The following LAMA2 variants were observed in gnomAD, a reference collection of about 807,000 sequenced individuals.
LAMA2 encodes the protein laminin subunit alpha 2.
LAMA2 carries 269 observed loss-of-function variants against 364.8 expected under a neutral mutation model. The observed-to-expected ratio is 0.74, with a 90% CI of 0.67 to 0.82. The LOEUF (loss-of-function observed/expected upper bound fraction) is 0.82. LAMA2 is among the 40% of genes least tolerant of loss of function. LAMA2 has a pLI of 0.00. For missense variants in LAMA2, 3,807 were observed against 3,873.2 expected, an observed-to-expected ratio of 0.98 and a Z score of 0.45; for synonymous variants, 1,379 against 1,370.6, an observed-to-expected ratio of 1.01 and a Z score of -0.14.
chr6:129,143,028 T>C (rs1778222235), intron 4 of LAMA2, among the ~76,000 whole-genome samples: 1 of 152,006 alleles, frequency 6.6e-6, no homozygotes, highest in South Asian at 2.1e-4. Context: ...AACAGTACCT[T>C]TTATTTTGTC....
chr6:129,236,753 GTATA>G (rs142812017), intron 12 of LAMA2, among the ~76,000 whole-genome samples: 1 of 151,704 alleles, frequency 6.6e-6, no homozygotes, highest in Non-Finnish European at 1.5e-5. Flanking sequence ...ACACATATAA[GTATA>G]TATATATTTA....
At chr6:129,247,302 T>G (rs1010786587) in intron 12 of LAMA2, among the ~76,000 whole-genome samples, 1 of 151,930 alleles carries the variant, frequency 6.6e-6, no homozygotes, top group African/African-American at 2.4e-5. Flanking sequence ...ATACAAAAAA[T>G]TATGCAGTCA....
intron 1 of LAMA2, among the ~76,000 whole-genome samples, chr6:129,048,005 G>T (rs1449706778): frequency 6.6e-6 from 1 of 152,066 alleles, no homozygotes; most frequent in Non-Finnish European, 1.5e-5. Flanking sequence ...TCTGCTACTT[G>T]CTAGCTGTAA....
chr6:129,205,976 T>C (rs1382622706), intron 12 of LAMA2, among the ~76,000 whole-genome samples: 1 of 150,452 alleles, frequency 6.6e-6, no homozygotes, highest in Admixed American at 6.6e-5. Context: ...TGAGCTGAAA[T>C]TGTGCCACTG....
chr6:128,900,762 A>G (rs762152082), intron 1 of LAMA2, among the ~76,000 whole-genome samples: 2 of 152,218 alleles, frequency 1.3e-5, no homozygotes, highest in Non-Finnish European at 2.9e-5. Context: ...TCACTTGGAT[A>G]AGATTGCCTC....
At chr6:129,067,860 A>G (rs1053714884) in intron 3 of LAMA2, among the ~76,000 whole-genome samples, 1 of 152,118 alleles carries the variant, frequency 6.6e-6, no homozygotes, top group Non-Finnish European at 1.5e-5. Flanking sequence ...TTTTTATTCA[A>G]GTGTTACCTT....
chr6:129,203,929 G>T (rs751047214), intron 12 of LAMA2, among the ~76,000 whole-genome samples: 5 of 152,198 alleles, frequency 3.3e-5, no homozygotes, highest in Non-Finnish European at 7.3e-5. Context: ...CACAGAAGCT[G>T]TCCGATAAAT....
At chr6:129,079,270 ATTAG>A (rs1370359697) in intron 3 of LAMA2, among the ~76,000 whole-genome samples, 3 of 152,082 alleles carry the variant, frequency 2.0e-5, no homozygotes, top group African/African-American at 4.8e-5. Flanking sequence ...TGTATTTTTT[ATTAG>A]TTATTGTTGT....
intron 44 of LAMA2, among the ~76,000 whole-genome samples, chr6:129,443,280 T>G (rs1196314699): frequency 6.6e-6 from 1 of 152,190 alleles, no homozygotes; most frequent in African/African-American, 2.4e-5. Flanking sequence ...TAAAATGTTT[T>G]TAATAGTGTT....
chr6:129,124,011 G>C (rs1359235892), intron 4 of LAMA2, among the ~76,000 whole-genome samples: 3 of 152,164 alleles, frequency 2.0e-5, no homozygotes, highest in Non-Finnish European at 4.4e-5. Context: ...AAACTCATTA[G>C]GTTGTATACA....
intron 3 of LAMA2, among the ~76,000 whole-genome samples, chr6:129,076,842 G>T (rs1773697111): frequency 6.6e-6 from 1 of 151,926 alleles, no homozygotes; most frequent in Non-Finnish European, 1.5e-5. Context: ...TCTGTAGGAA[G>T]GTCATGGTAG....
At chr6:129,439,835 T>TATATATATAC (rs1307705833) in intron 42 of LAMA2, among the ~76,000 whole-genome samples, 1 of 140,332 alleles carries the variant, frequency 7.1e-6, no homozygotes, top group Admixed American at 6.9e-5. Context: ...CATATATATA[T>TATATATATAC]ATATATATAT....
At chr6:129,498,745 C>CAAAG (rs1308697122) in intron 58 of LAMA2, among the ~76,000 whole-genome samples, 2 of 152,130 alleles carry the variant, frequency 1.3e-5, no homozygotes, top group African/African-American at 4.8e-5. Flanking sequence ...CTTTCAAGAA[C>CAAAG]AAAGATGCCA....
chr6:129,312,708 G>A (rs1165594009), intron 22 of LAMA2, among the ~76,000 whole-genome samples, 153 bp from the exon 23 acceptor site: 5 of 152,118 alleles, frequency 3.3e-5, no homozygotes, highest in Non-Finnish European at 7.4e-5. Context: ...GTTCACTGAT[G>A]TTTCCCAAGT....
intron 8 of LAMA2, among the ~76,000 whole-genome samples, chr6:129,156,018 T>C (rs972319075): frequency 2.0e-5 from 3 of 151,958 alleles, no homozygotes; most frequent in African/African-American, 7.2e-5. Context: ...AGATATTTAT[T>C]GTACAGCATG....
chr6:129,115,792 T>A (rs1776440945), intron 4 of LAMA2, among the ~76,000 whole-genome samples: 1 of 152,096 alleles, frequency 6.6e-6, no homozygotes, highest in African/African-American at 2.4e-5. Flanking sequence ...AGTTTCCGCA[T>A]CTAAGAATGA....
In LAMA2 at chr6:129,288,016, G is replaced by A. The variant is rs756711072; in HGVS notation, c.2707G>A (p.Asp903Asn). The A allele has an allele frequency of 6.2e-7, 1 of 1,614,102 alleles. No homozygotes were observed. The highest frequency in any genetic ancestry group is 8.5e-7 in the Non-Finnish European group (1 of 1,179,952). The change falls in exon 19 of 65, where the codon GAT (aspartate) becomes AAT (asparagine). Residue 903 changes from aspartate (D) to asparagine (N), a missense_variant. Physicochemically the swap from Asp to Asn is conservative, Grantham distance 23. This residue lies in a region of LAMA2 where 3,333 missense variants were observed against 3,345.7 expected (regional missense o/e 1.00). Transcript: ENST00000421865. The part of the protein sequence containing the change: ...TTGRYCELCA[D>N]GYFGDAVDAK... ...AGGCCGGTACTGTGAGCTCTGTGCTGATGGATATTTTGGAGATGCAGTTGA... is the reference window on the plus strand; with the variant it reads ...AGGCCGGTACTGTGAGCTCTGTGCTAATGGATATTTTGGAGATGCAGTTGA...
At chr6:129,124,381 C>G (rs1031412548) in intron 4 of LAMA2, among the ~76,000 whole-genome samples, 1 of 152,130 alleles carries the variant, frequency 6.6e-6, no homozygotes, top group African/African-American at 2.4e-5. Context: ...GATGGTGTCT[C>G]CCTCCAGATG....
chr6:129,445,002 G>A (rs905577590), intron 44 of LAMA2, among the ~76,000 whole-genome samples: 4 of 152,184 alleles, frequency 2.6e-5, no homozygotes, highest in Non-Finnish European at 5.9e-5. Flanking sequence ...TTGCCAATAT[G>A]TAACCCTTTA....
Sources: gnomAD v4.1 joint callset for allele counts (sites outside exome capture counted in the v4.1 genomes callset) on GRCh38, gnomAD v4.1.1 for gene constraint, gnomAD v4.1.1 regional missense constraint, MANE v1.5 for transcripts, NCBI Gene and HGNC (gene_info 2026-07-23, HGNC 2026-07-21) for gene names.